Variants in PPP6R2 observed in about 807,000 individuals in gnomAD.
PPP6R2 encodes protein phosphatase 6 regulatory subunit 2, also known as serine/threonine-protein phosphatase 6 regulatory subunit 2.
Under a neutral mutation model 100.2 loss-of-function variants are expected in PPP6R2, and 62 were observed. The observed-to-expected ratio is 0.62, with a 90% CI of 0.50 to 0.76. The LOEUF (loss-of-function observed/expected upper bound fraction) is 0.76, where lower values mean the gene tolerates loss of function less well. PPP6R2 is among the 30% of genes least tolerant of loss of function. The probability of loss-of-function intolerance (pLI) is 0.00; values close to 1 mark genes in which losing one functional copy is unlikely to be tolerated. For missense variants in PPP6R2, 1,142 were observed against 1,276.3 expected (o/e 0.89, Z 1.60); for synonymous variants, 525 against 514.7 (o/e 1.02, Z -0.27).
intron 2 of PPP6R2, among the ~76,000 whole-genome samples, chr22:50,386,827 A>C (rs1210799511): frequency 6.6e-6 from 1 of 152,074 alleles, no homozygotes; most frequent in Non-Finnish European, 1.5e-5. Flanking sequence ...GAGGGTTGGA[A>C]AAGTTAGGCT....
chr22:50,358,263 G>T (rs145359371), intron 1 of PPP6R2, among the ~76,000 whole-genome samples: 161 of 152,198 alleles, frequency 1.1e-3, no homozygotes, highest in Non-Finnish European at 1.7e-3. Flanking sequence ...GCTCCTGTTT[G>T]TTTATTTTGT....
intron 1 of PPP6R2, among the ~76,000 whole-genome samples, chr22:50,364,437 T>C (rs1190053595): frequency 6.6e-6 from 1 of 152,204 alleles, no homozygotes; most frequent in Non-Finnish European, 1.5e-5. Context: ...GAAACATTTG[T>C]TTAAGAAGGA....
intron 3 of PPP6R2, among the ~76,000 whole-genome samples, chr22:50,405,317 A>G (rs1349781726): frequency 1.7e-3 from 222 of 133,196 alleles, no homozygotes; most frequent in Non-Finnish European, 2.0e-3. Context: ...AGGCCTGGAG[A>G]GAGGTGAGAG....
At chr22:50,428,373 T>C (rs2062569317) in intron 10 of PPP6R2, among the ~76,000 whole-genome samples, 1 of 152,234 alleles carries the variant, frequency 6.6e-6, no homozygotes, top group Admixed American at 6.5e-5. Context: ...ATTCATTTAT[T>C]AGCTCTAGCA....
chr22:50,429,229 C>G (rs931501141), intron 10 of PPP6R2, among the ~76,000 whole-genome samples: 2 of 152,146 alleles, frequency 1.3e-5, no homozygotes, highest in African/African-American at 4.8e-5. Context: ...TGGGGTTTCA[C>G]CACGTTGGCC....
At chr22:50,410,266 A>G (rs1411167374) in intron 4 of PPP6R2, among the ~76,000 whole-genome samples, 1 of 152,094 alleles carries the variant, frequency 6.6e-6, no homozygotes, top group African/African-American at 2.4e-5. Flanking sequence ...TGATTGTGTG[A>G]GTGAGGTCTT....
Position 50,393,470 on chromosome 22 carries a change from C to T in PPP6R2, c.-16-423C>T, listed in dbSNP as rs542943533. The T allele has an allele frequency of 4.2e-5, 41 of 985,062 alleles. No homozygotes were observed. The African/African-American group carries it at 5.1e-4, about 12-fold the overall frequency. 61.0% of individuals were successfully genotyped at this position (985,062 alleles called of 1,614,324 possible). Reference sequence around the variant, plus strand: ...CATGGGAGAGACACCTGGGCGCATTCGCCTAACAGAACTACAGAGCAAGCA... The same window carrying T: ...CATGGGAGAGACACCTGGGCGCATTTGCCTAACAGAACTACAGAGCAAGCA... On this transcript the variant is annotated intron_variant, in intron 2 of 23. Transcript: ENST00000612753.
chr22:50,437,209 G>C (rs1457428939), intron 15 of PPP6R2, 141 bp downstream of exon 15: 1 of 861,598 alleles, frequency 1.2e-6, no homozygotes. Flanking sequence ...TATGGGGCGG[G>C]GTGGGTCTGA....
At chr22:50,402,489 A>T (rs762469684) in intron 3 of PPP6R2, among the ~76,000 whole-genome samples, 18 of 151,968 alleles carry the variant, frequency 1.2e-4, no homozygotes, top group Non-Finnish European at 2.4e-4. Flanking sequence ...CTGGCCGCCA[A>T]ATCAGTGTCC....
intron 1 of PPP6R2, among the ~76,000 whole-genome samples, chr22:50,353,787 C>T (rs899867012): frequency 4.7e-5 from 7 of 149,658 alleles, no homozygotes; most frequent in East Asian, 3.9e-4. Context: ...AAGATTTGTA[C>T]CCCAGGTAGT....
intron 2 of PPP6R2, among the ~76,000 whole-genome samples, chr22:50,388,478 G>A (rs1442934514): frequency 6.6e-6 from 1 of 151,966 alleles, no homozygotes. Flanking sequence ...ATGTGGGAGG[G>A]TTGCTTAAGC....
chr22:50,416,334 C>T (rs6520167), intron 6 of PPP6R2, among the ~76,000 whole-genome samples, 177 bp downstream of exon 6: 24 of 140,502 alleles, frequency 1.7e-4, no homozygotes, highest in Middle Eastern at 7.1e-3. Context: ...TTTTTTTTTT[C>T]TTTTTTTTTT....
At chr22:50,361,096 C>G (rs2047697672) in intron 1 of PPP6R2, among the ~76,000 whole-genome samples, 1 of 152,204 alleles carries the variant, frequency 6.6e-6, no homozygotes, top group African/African-American at 2.4e-5. Flanking sequence ...CTGTGGAACT[C>G]TGCTCTGACC....
intron 8 of PPP6R2, among the ~76,000 whole-genome samples, chr22:50,420,646 T>C (rs1375191055): frequency 6.6e-6 from 1 of 152,204 alleles, no homozygotes; most frequent in Non-Finnish European, 1.5e-5. Context: ...CCAAAGAGGA[T>C]GCCCATGAGG....
intron 1 of PPP6R2, among the ~76,000 whole-genome samples, chr22:50,354,779 G>A (rs2046090455): frequency 6.6e-6 from 1 of 151,988 alleles, no homozygotes; most frequent in African/African-American, 2.4e-5. Context: ...CAGCCTGGAT[G>A]ACAGTGAGAC....
chr22:50,396,195 CAAAA>C (rs528437459), intron 3 of PPP6R2, among the ~76,000 whole-genome samples: 1 of 51,610 alleles, frequency 1.9e-5, no homozygotes, highest in African/African-American at 8.3e-5. Flanking sequence ...GACTCTGGCT[CAAAA>C]AAAAAAAAAA....
upstream of PPP6R2, among the ~76,000 whole-genome samples, chr22:50,339,007 GGTGTGTGGTGTGT>G (rs565222147): frequency 1.2e-3 from 153 of 130,366 alleles, 1 homozygote; most frequent in East Asian, 8.3e-3. Flanking sequence ...TGTGGTATGT[GGTGTGTGGTGTGT>G]GTGTGTGGTG....
intron 1 of PPP6R2, among the ~76,000 whole-genome samples, chr22:50,355,243 T>A (rs1388391359): frequency 6.6e-6 from 1 of 150,636 alleles, no homozygotes; most frequent in South Asian, 2.1e-4. Flanking sequence ...TTTTTTTTTT[T>A]TTTTTCTTTT....
intron 4 of PPP6R2, among the ~76,000 whole-genome samples, chr22:50,414,044 C>T (rs2060140114): frequency 6.6e-6 from 1 of 152,198 alleles, no homozygotes; most frequent in Non-Finnish European, 1.5e-5. Context: ...TGCAGGATGC[C>T]TCTTTTTCTT....
Sources: allele counts gnomAD v4.1 joint callset (sites outside exome capture counted in the v4.1 genomes callset), GRCh38; gene constraint gnomAD v4.1.1; transcripts MANE v1.5; gene names NCBI Gene and HGNC (gene_info 2026-07-23, HGNC 2026-07-21).